Variants in DENND1A observed in about 807,000 individuals in gnomAD.
The protein encoded by DENND1A is DENN domain containing 1A, also known as DENN domain-containing protein 1A.
In DENND1A, 51 loss-of-function variants were observed where a neutral mutation model predicts 113.7. That is an observed-to-expected ratio of 0.45 (90% CI 0.36 to 0.57). DENND1A has a LOEUF of 0.57. Among genes scored for constraint, DENND1A ranks in the 20% least tolerant of loss-of-function variants. DENND1A has a pLI of 0.00. For synonymous variants in DENND1A, 565 were observed against 570.8 expected (o/e 0.99, Z 0.14); for missense variants, 1,258 against 1,395.9 (o/e 0.90, Z 1.57).
intron 2 of DENND1A, among the ~76,000 whole-genome samples, chr9:123,864,075 C>T (rs1845476007): frequency 6.6e-6 from 1 of 151,428 alleles, no homozygotes; most frequent in Non-Finnish European, 1.5e-5. Context: ...TATAGCTGTC[C>T]TTTTGTGCCA....
intron 13 of DENND1A, among the ~76,000 whole-genome samples, chr9:123,458,791 G>A (rs570352503): frequency 2.0e-5 from 3 of 152,134 alleles, no homozygotes; most frequent in South Asian, 2.1e-4. Context: ...CAGAAACCCC[G>A]TCTCTACTGA....
intron 9 of DENND1A, among the ~76,000 whole-genome samples, chr9:123,637,611 G>T (rs1195528106): frequency 3.3e-5 from 5 of 152,120 alleles, no homozygotes; most frequent in Non-Finnish European, 7.3e-5. Context: ...TCAAATTGTA[G>T]TTACTGTATT....
chr9:123,758,008 G>A (rs913082710), intron 4 of DENND1A, among the ~76,000 whole-genome samples, 186 bp from the exon 5 acceptor site: 11 of 148,228 alleles, frequency 7.4e-5, no homozygotes, highest in Admixed American at 6.0e-4. Context: ...ACAGCCAGCA[G>A]CCTATTCTAG....
At chr9:123,601,980 G>A (rs1226416275) in intron 11 of DENND1A, among the ~76,000 whole-genome samples, 2 of 152,212 alleles carry the variant, frequency 1.3e-5, no homozygotes, top group African/African-American at 4.8e-5. Context: ...ACTCTGCCCA[G>A]GACTGGGATG....
chr9:123,553,637 C>G (rs2057256094), intron 13 of DENND1A, among the ~76,000 whole-genome samples: 1 of 152,172 alleles, frequency 6.6e-6, no homozygotes, highest in South Asian at 2.1e-4. Context: ...AAACCAAAAC[C>G]CAAAAATGTA....
At chr9:123,910,094 T>A (rs1291651718) in intron 1 of DENND1A, among the ~76,000 whole-genome samples, 1 of 152,184 alleles carries the variant, frequency 6.6e-6, no homozygotes, top group Admixed American at 6.5e-5. Context: ...TAATATCAAC[T>A]CTCTACAAAT....
At chr9:123,392,107 G>A (rs964362126) in intron 21 of DENND1A, among the ~76,000 whole-genome samples, 1 of 152,208 alleles carries the variant, frequency 6.6e-6, no homozygotes, top group Admixed American at 6.5e-5. Flanking sequence ...GTGGTGACAG[G>A]CGAGGCTGTT....
At chr9:123,811,085 T>G (rs1168918262) in intron 2 of DENND1A, among the ~76,000 whole-genome samples, 4 of 152,144 alleles carry the variant, frequency 2.6e-5, no homozygotes, top group Non-Finnish European at 5.9e-5. Context: ...TCATCCATCT[T>G]GCTTGAAGCC....
At position 123,804,938 on chromosome 9, in the gene DENND1A, C is replaced by T. The variant is rs901330939; in HGVS notation, c.89-12308G>A. 1.2e-4 allele frequency among the ~76,000 whole-genome samples: 18 copies of T among 152,146 alleles called. No individual in the cohort carries two copies. The East Asian group carries it at 1.7e-3, about 15-fold the overall frequency. On this transcript the variant is annotated intron_variant, in intron 2 of 23. Coordinates refer to ENST00000394215, the MANE Select transcript of DENND1A (RefSeq NM_001352964.2). ...ACTCAATACAGGGCCTCCTCTACAA[C>T]GTCCTCCCTTCACCAGCATACCTCT...
At chr9:123,715,652 C>T (rs1276854051) in intron 5 of DENND1A, among the ~76,000 whole-genome samples, 1 of 152,094 alleles carries the variant, frequency 6.6e-6, no homozygotes, top group African/African-American at 2.4e-5. Context: ...GAAATTAATG[C>T]TATAGGCACT....
chr9:123,501,995 C>G (rs145811343), intron 13 of DENND1A, among the ~76,000 whole-genome samples: 1 of 149,870 alleles, frequency 6.7e-6, no homozygotes, highest in Admixed American at 6.6e-5. Flanking sequence ...ATATATATAT[C>G]TCTCCTATTG....
At chr9:123,540,066 T>C (rs2056171108) in intron 13 of DENND1A, among the ~76,000 whole-genome samples, 1 of 152,206 alleles carries the variant, frequency 6.6e-6, no homozygotes, top group Non-Finnish European at 1.5e-5. Flanking sequence ...ATTACTGTAT[T>C]TTCCACTAAA....
chr9:123,789,482 T>C (rs1463172676), intron 3 of DENND1A, among the ~76,000 whole-genome samples: 1 of 152,172 alleles, frequency 6.6e-6, no homozygotes, highest in Non-Finnish European at 1.5e-5. Context: ...TCTTCTGTAG[T>C]GATGGATCAT....
intron 2 of DENND1A, among the ~76,000 whole-genome samples, chr9:123,794,814 T>C (rs1833525063): frequency 6.6e-6 from 1 of 151,916 alleles, no homozygotes; most frequent in Non-Finnish European, 1.5e-5. Flanking sequence ...GAAAAAAGCA[T>C]GGGAAAATTA....
intron 1 of DENND1A, among the ~76,000 whole-genome samples, chr9:123,904,594 A>G (rs1230694): frequency 0.18 from 25,446 of 141,776 alleles, 3,806 homozygotes; most frequent in African/African-American, 0.43. Context: ...GAGCCGATGC[A>G]ATCAACTGGA....
intron 4 of DENND1A, among the ~76,000 whole-genome samples, chr9:123,767,308 T>G (rs573932863): frequency 1.3e-5 from 2 of 151,748 alleles, no homozygotes; most frequent in African/African-American, 4.8e-5. Flanking sequence ...TCAACACCCA[T>G]AGGGTATGTA....
chr9:123,590,441 C>G (rs2059403276), intron 11 of DENND1A, among the ~76,000 whole-genome samples: 1 of 152,220 alleles, frequency 6.6e-6, no homozygotes, highest in African/African-American at 2.4e-5. Context: ...CATCCACCAG[C>G]TGTGCCAACT....
chr9:123,596,036 G>A (rs2059674597), intron 11 of DENND1A, among the ~76,000 whole-genome samples: 1 of 152,162 alleles, frequency 6.6e-6, no homozygotes, highest in South Asian at 2.1e-4. Flanking sequence ...CAAGAAAGGT[G>A]TCAACACCTT....
At chr9:123,654,428 T>C (rs866987102) in intron 8 of DENND1A, among the ~76,000 whole-genome samples, 2 of 152,034 alleles carry the variant, frequency 1.3e-5, no homozygotes, top group Non-Finnish European at 2.9e-5. Context: ...GGGAGAAATA[T>C]GTTACACAGC....
Sources: gnomAD v4.1 joint callset for allele counts (sites outside exome capture counted in the v4.1 genomes callset) on GRCh38, gnomAD v4.1.1 for gene constraint, MANE v1.5 for transcripts, NCBI Gene and HGNC (gene_info 2026-07-23, HGNC 2026-07-21) for gene names.